JAZF1: variants seen among roughly 807,000 people sequenced by gnomAD.
The protein encoded by JAZF1 is juxtaposed with another zinc finger protein 1.
Under a neutral mutation model 26.4 loss-of-function variants are expected in JAZF1, and 8 were observed. The observed-to-expected ratio is 0.30, with a 90% CI of 0.18 to 0.55. JAZF1 has a LOEUF of 0.55. Among genes scored for constraint, JAZF1 ranks in the 20% least tolerant of loss-of-function variants. The pLI, the probability that JAZF1 is intolerant of heterozygous loss-of-function variation, is 0.94. For missense variants in JAZF1, 199 were observed against 322.0 expected (o/e 0.62, Z 2.92); for synonymous variants, 126 against 122.3 (o/e 1.03, Z -0.20).
At chr7:28,088,675 C>T (rs998313366) in intron 1 of JAZF1, among the ~76,000 whole-genome samples, 1 of 152,214 alleles carries the variant, frequency 6.6e-6, no homozygotes, top group African/African-American at 2.4e-5. Context: ...GGCCTGTCTC[C>T]ATTCCCAAGG....
At chr7:28,082,902 G>A (rs980212920) in intron 1 of JAZF1, among the ~76,000 whole-genome samples, 6 of 152,086 alleles carry the variant, frequency 3.9e-5, no homozygotes, top group Non-Finnish European at 7.4e-5. Context: ...TCCCAGCTCA[G>A]AACCCACCAG....
At chr7:28,116,421 G>A (rs1172787335) in intron 1 of JAZF1, among the ~76,000 whole-genome samples, 1 of 152,078 alleles carries the variant, frequency 6.6e-6, no homozygotes, top group African/African-American at 2.4e-5. Flanking sequence ...TCTTTTGGTA[G>A]GTTTGAAAAC....
chr7:28,038,209 A>C (rs1168233497), intron 1 of JAZF1, among the ~76,000 whole-genome samples: 1 of 152,216 alleles, frequency 6.6e-6, no homozygotes, highest in African/African-American at 2.4e-5. Context: ...TAAATGAAAC[A>C]TTAACATATT....
intron 1 of JAZF1, among the ~76,000 whole-genome samples, chr7:28,090,614 G>A (rs1385560956): frequency 6.6e-6 from 1 of 152,070 alleles, no homozygotes; most frequent in African/African-American, 2.4e-5. Flanking sequence ...CTCCAACACA[G>A]GTACTAGTAC....
At position 27,871,734 on chromosome 7, in the gene JAZF1, G is replaced by C. The variant is rs77259363; in HGVS notation, c.385+23486C>G. Among the ~76,000 whole-genome samples, 867 of 152,196 alleles carry C rather than the reference G, an allele frequency of 5.7e-3. 5 individuals carry two copies. Among genetic ancestry groups the C allele is most frequent in the African/African-American group, 0.017 (691 of 41,534 alleles). ...GTGAAGGTTTAGAAAAACATGCTTC[G>C]AATGTTAATTATATGATGATCCCAA... On this transcript the variant is annotated intron_variant, in intron 3 of 4. Coordinates refer to ENST00000283928, the MANE Select transcript of JAZF1 (RefSeq NM_175061.4).
intron 2 of JAZF1, among the ~76,000 whole-genome samples, chr7:27,926,826 T>C (rs948965704): frequency 1.3e-5 from 2 of 152,214 alleles, no homozygotes; most frequent in African/African-American, 4.8e-5. Flanking sequence ...ATTGGAGGTA[T>C]GGCAGAGTCC....
intron 3 of JAZF1, among the ~76,000 whole-genome samples, chr7:27,882,571 TC>T (rs971289012): frequency 6.6e-6 from 1 of 152,242 alleles, no homozygotes; most frequent in African/African-American, 2.4e-5. Context: ...TGAGTGCATT[TC>T]CAACATCTGA....
intron 2 of JAZF1, among the ~76,000 whole-genome samples, chr7:27,973,330 G>A (rs1282300355): frequency 6.6e-6 from 1 of 152,018 alleles, no homozygotes; most frequent in Non-Finnish European, 1.5e-5. Flanking sequence ...TTCTGAGACA[G>A]GGTCTCACTC....
At chr7:28,082,869 A>C (rs985950956) in intron 1 of JAZF1, among the ~76,000 whole-genome samples, 2 of 152,108 alleles carry the variant, frequency 1.3e-5, no homozygotes. Context: ...CCAGCTTCTC[A>C]AATGCTGACC....
intron 1 of JAZF1, among the ~76,000 whole-genome samples, chr7:28,072,168 C>A (rs758127094): frequency 2.0e-5 from 3 of 152,204 alleles, no homozygotes; most frequent in Non-Finnish European, 4.4e-5. Flanking sequence ...ACAGTTTGCA[C>A]CTTAACCTTG....
At chr7:27,836,556 C>T (rs1241709648) in intron 4 of JAZF1, among the ~76,000 whole-genome samples, 1 of 152,122 alleles carries the variant, frequency 6.6e-6, no homozygotes, top group Non-Finnish European at 1.5e-5. Context: ...TGGTCAATTT[C>T]CCAGGGCCTG....
At chr7:27,937,389 T>A (rs1268908665) in intron 2 of JAZF1, among the ~76,000 whole-genome samples, 1 of 152,198 alleles carries the variant, frequency 6.6e-6, no homozygotes, top group African/African-American at 2.4e-5. Flanking sequence ...AGCTCCTCCA[T>A]CAGGCTGTTG....
At chr7:27,947,211 C>T (rs183944198) in intron 2 of JAZF1, among the ~76,000 whole-genome samples, 239 of 152,318 alleles carry the variant, frequency 1.6e-3, no homozygotes, top group African/African-American at 5.5e-3. Flanking sequence ...CAAGAGTCTA[C>T]GTTTTTGTTC....
intron 1 of JAZF1, among the ~76,000 whole-genome samples, chr7:28,113,591 G>A (rs754200354): frequency 6.6e-6 from 1 of 152,212 alleles, no homozygotes; most frequent in Non-Finnish European, 1.5e-5. Flanking sequence ...ACCAGGCACA[G>A]TGCTAGGCCC....
intron 1 of JAZF1, among the ~76,000 whole-genome samples, chr7:28,158,850 T>C (rs558014904): frequency 1.3e-5 from 2 of 152,270 alleles, no homozygotes; most frequent in African/African-American, 4.8e-5. Flanking sequence ...TGTCGAGCAT[T>C]TGAATGAATG....
chr7:28,116,336 A>T (rs1784741211), intron 1 of JAZF1, among the ~76,000 whole-genome samples: 1 of 152,204 alleles, frequency 6.6e-6, no homozygotes, highest in African/African-American at 2.4e-5. Flanking sequence ...AATTTTTGCC[A>T]ATCTGATAAA....
intron 2 of JAZF1, among the ~76,000 whole-genome samples, chr7:27,900,193 C>T (rs11974500): frequency 0.022 from 3,282 of 152,236 alleles, 115 homozygotes; most frequent in African/African-American, 0.074. Context: ...CCGCCGTGTG[C>T]TGGAGCTGGC....
chr7:28,156,035 C>T (rs1397177672), intron 1 of JAZF1, among the ~76,000 whole-genome samples: 2 of 152,170 alleles, frequency 1.3e-5, no homozygotes, highest in Non-Finnish European at 2.9e-5. Context: ...TTGATAGATA[C>T]CTTATTCATT....
chr7:27,854,623 T>C (rs548855713), intron 3 of JAZF1, among the ~76,000 whole-genome samples: 5 of 152,328 alleles, frequency 3.3e-5, no homozygotes, highest in African/African-American at 7.2e-5. Context: ...CTCCTTTGCT[T>C]ATGAAGCTTA....
Sources: allele counts gnomAD v4.1 joint callset (sites outside exome capture counted in the v4.1 genomes callset), GRCh38; gene constraint gnomAD v4.1.1; transcripts MANE v1.5; gene names NCBI Gene and HGNC (gene_info 2026-07-23, HGNC 2026-07-21).